TCF4: variants seen among roughly 807,000 people sequenced by gnomAD.
The protein encoded by TCF4 is SL3-3 enhancer factor 2.
In TCF4, 3 loss-of-function variants were observed where a neutral mutation model predicts 82.1. The ratio of observed to expected loss-of-function variants is 0.04; its 90% CI spans 0.02 to 0.09. TCF4 has a LOEUF of 0.09. TCF4 is among the 10% of genes least tolerant of loss of function. TCF4 has a pLI of 1.00. For missense variants in TCF4, 518 were observed against 852.7 expected (o/e 0.61, Z 4.89); for synonymous variants, 276 against 309.6 (o/e 0.89, Z 1.14).
intron 6 of TCF4, among the ~76,000 whole-genome samples, chr18:55,365,973 TATAG>T (rs1367852222): frequency 7.0e-5 from 1 of 14,232 alleles, no homozygotes; most frequent in Admixed American, 9.5e-4. Flanking sequence ...TGTTTATAGA[TATAG>T]ATATAGATAT....
rs966231332 is a variant in TCF4, at chr18:55,332,961, T to C, written c.549+17398A>G. ...AGGCCAATTTGAAATAAACTTAAGA[T>C]CTAAATACACAGAAGCCCACATCTT... On this transcript the variant is annotated intron_variant, in intron 8 of 19. Transcript: ENST00000354452. 2.6e-5 allele frequency among the ~76,000 whole-genome samples: 4 copies of C among 152,192 alleles called. No individual in the cohort carries two copies. The South Asian group carries it at 6.2e-4, about 24-fold the overall frequency.
In TCF4 at chr18:55,582,182, C is replaced by A. The variant is rs553216498; in HGVS notation, c.145+3098G>T. ...TCCATACTCATCAATAAATTATAGACTCTTTAGATGATTTTCTTTTTTTGG... is the reference window on the plus strand; with the variant it reads ...TCCATACTCATCAATAAATTATAGAATCTTTAGATGATTTTCTTTTTTTGG... On this transcript the variant is annotated intron_variant, in intron 3 of 19. Coordinates refer to ENST00000354452, the MANE Select transcript of TCF4 (RefSeq NM_001083962.2). Among the ~76,000 whole-genome samples, 3 of 152,178 alleles carry A rather than the reference C, an allele frequency of 2.0e-5. No homozygotes were observed. In the East Asian group the frequency reaches 5.8e-4, roughly 29 times the overall value.
intron 18 of TCF4, 25 bp downstream of exon 18, chr18:55,228,822 T>C (rs2047073352): frequency 6.2e-7 from 1 of 1,613,096 alleles, no homozygotes; most frequent in Non-Finnish European, 8.5e-7. Flanking sequence ...TCACGAGCTC[T>C]GCAAGGAGGC....
At chr18:55,556,516 T>C (rs1226211329) in intron 3 of TCF4, among the ~76,000 whole-genome samples, 2 of 152,188 alleles carry the variant, frequency 1.3e-5, no homozygotes, top group African/African-American at 4.8e-5. Context: ...TGAGAATTTC[T>C]TTCTTTCTTT....
At chr18:55,635,619 T>C (rs2097735616) in intron 1 of TCF4, 1 of 1,466,988 alleles carries the variant, frequency 6.8e-7, no homozygotes, top group South Asian at 1.4e-5. Context: ...ACTACCGTTA[T>C]GTTTGGCCAT....
chr18:55,587,171 C>T (rs751296958), intron 1 of TCF4, 35 bp from the exon 2 acceptor site: 1 of 1,521,392 alleles, frequency 6.6e-7, no homozygotes, highest in East Asian at 2.5e-5. Flanking sequence ...TCAGAAAATC[C>T]AGTCCCAATC....
Position 55,274,004 on chromosome 18 carries a change from T to A in TCF4, c.789+1615A>T, listed in dbSNP as rs939980664. Among the ~76,000 whole-genome samples, 9 of 152,116 alleles carry A rather than the reference T, an allele frequency of 5.9e-5. No homozygotes were observed. In the South Asian group the frequency reaches 1.9e-3, roughly 32 times the overall value. On this transcript the variant is annotated intron_variant, in intron 10 of 19. Transcript: ENST00000354452. ...AAACACAGAAGGGAAGAAAAATTAATGTCAAATGGGCAACTCTTAAAAGAA... is the reference window on the plus strand; with the variant it reads ...AAACACAGAAGGGAAGAAAAATTAAAGTCAAATGGGCAACTCTTAAAAGAA...
rs528077299 is a variant in TCF4, at chr18:55,350,121, T to C, written c.549+238A>G. 5.3e-5 allele frequency among the ~76,000 whole-genome samples: 8 copies of C among 152,312 alleles called. No homozygotes were observed. In the South Asian group the frequency reaches 1.7e-3, roughly 32 times the overall value. ...CAAACTTCAGGCACCTTTTCAAGGC[T>C]CTCTTTAGAGCTTAACCTGCTGAAT... On this transcript the variant is annotated intron_variant, in intron 8 of 19. Coordinates refer to ENST00000354452, the MANE Select transcript of TCF4 (RefSeq NM_001083962.2).
At chr18:55,314,618 T>A (rs2073582354) in intron 8 of TCF4, among the ~76,000 whole-genome samples, 1 of 150,992 alleles carries the variant, frequency 6.6e-6, no homozygotes, top group Non-Finnish European at 1.5e-5. Flanking sequence ...TACAGGGCAC[T>A]TGTATCTTGC....
chr18:55,228,289 G>T lies in TCF4; in HGVS notation c.1952C>A (p.Pro651His), dbSNP rs148802110. 1.2e-6 allele frequency: 2 copies of T among 1,613,988 alleles called. No homozygotes were observed. Among genetic ancestry groups the T allele is most frequent in the African/African-American group, 1.3e-5 (1 of 74,904 alleles). ...AGGGTGTGGGCCGGCCAAGGAGAGA[G>T]GGGGAGGCTCTGAGGACACCTTCTC... ...EEEKVSSEPPPLSLAGPHPGM... is the reference protein window; with the variant it reads ...EEEKVSSEPPHLSLAGPHPGM... The change falls in exon 19 of 20, where the codon CCT (proline) becomes CAT (histidine). Residue 651 changes from proline (P) to histidine (H), a missense_variant. Pro to His is a moderately conservative substitution (Grantham distance 77). Transcript: ENST00000354452.
intron 3 of TCF4, among the ~76,000 whole-genome samples, chr18:55,493,576 T>A (rs1004226996): frequency 6.6e-6 from 1 of 152,172 alleles, no homozygotes; most frequent in Non-Finnish European, 1.5e-5. Flanking sequence ...TGGAATATAG[T>A]ATAGGCTTCA....
At chr18:55,406,745 C>A (rs1280508461) in intron 5 of TCF4, among the ~76,000 whole-genome samples, 5 of 152,196 alleles carry the variant, frequency 3.3e-5, no homozygotes, top group East Asian at 1.9e-4. Flanking sequence ...CGCCTCCCCC[C>A]ATCCCCACAA....
At chr18:55,533,198 CA>C (rs1185451241) in intron 3 of TCF4, among the ~76,000 whole-genome samples, 1 of 152,120 alleles carries the variant, frequency 6.6e-6, no homozygotes, top group Non-Finnish European at 1.5e-5. Flanking sequence ...TCAACAACCG[CA>C]ATAAAACCAG....
chr18:55,504,894 A>G (rs939080132), intron 3 of TCF4, among the ~76,000 whole-genome samples: 5 of 152,210 alleles, frequency 3.3e-5, no homozygotes, highest in Non-Finnish European at 7.4e-5. Flanking sequence ...AGAACAAGCA[A>G]TTATAAGGTG....
At chr18:55,538,064 A>G (rs1312629940) in intron 3 of TCF4, among the ~76,000 whole-genome samples, 1 of 151,228 alleles carries the variant, frequency 6.6e-6, no homozygotes, top group Admixed American at 6.6e-5. Context: ...ACACACACAC[A>G]CACGTCATTA....
intron 8 of TCF4, among the ~76,000 whole-genome samples, chr18:55,341,562 C>T (rs961158058): frequency 3.3e-5 from 5 of 152,140 alleles, no homozygotes; most frequent in African/African-American, 7.2e-5. Context: ...TAAGTAGAGG[C>T]TGTCAGACGT....
intron 5 of TCF4, among the ~76,000 whole-genome samples, chr18:55,410,805 G>T (rs1420752110): frequency 6.6e-6 from 1 of 152,074 alleles, no homozygotes; most frequent in African/African-American, 2.4e-5. Flanking sequence ...AAGTCAAAGA[G>T]TTCTCAAGTT....
chr18:55,315,110 C>A (rs1241052965), intron 8 of TCF4, among the ~76,000 whole-genome samples: 1 of 152,092 alleles, frequency 6.6e-6, no homozygotes, highest in Non-Finnish European at 1.5e-5. Flanking sequence ...AGAGCTAGGT[C>A]CCTGGAGGAT....
At chr18:55,480,427 T>C (rs1357053269) in intron 3 of TCF4, among the ~76,000 whole-genome samples, 3 of 152,006 alleles carry the variant, frequency 2.0e-5, no homozygotes, top group Non-Finnish European at 2.9e-5. Context: ...ATAATCTAGA[T>C]TGGGAAGAAA....
Sources: allele counts gnomAD v4.1 joint callset (sites outside exome capture counted in the v4.1 genomes callset), GRCh38; gene constraint gnomAD v4.1.1; transcripts MANE v1.5; gene names NCBI Gene and HGNC (gene_info 2026-07-23, HGNC 2026-07-21).